The following NDST4 variants were observed in gnomAD, a reference collection of about 807,000 sequenced individuals.
The protein encoded by NDST4 is N-deacetylase and N-sulfotransferase 4.
In NDST4, 63 loss-of-function variants were observed where a neutral mutation model predicts 100.8. That is an observed-to-expected ratio of 0.62 (90% CI 0.51 to 0.77). The LOEUF (loss-of-function observed/expected upper bound fraction) is 0.77, where lower values mean the gene tolerates loss of function less well. Among genes scored for constraint, NDST4 ranks in the 30% least tolerant of loss-of-function variants. NDST4 has a pLI of 0.00. For synonymous variants in NDST4, 377 were observed against 361.8 expected, an observed-to-expected ratio of 1.04 and a Z score of -0.48; for missense variants, 943 against 1,018.4, an observed-to-expected ratio of 0.93 and a Z score of 1.01.
At chr4:115,020,438 G>A (rs538338212) in intron 2 of NDST4, among the ~76,000 whole-genome samples, 102 of 152,198 alleles carry the variant, frequency 6.7e-4, no homozygotes, top group African/African-American at 2.4e-3. Flanking sequence ...ATATTTAAGA[G>A]GCTGCATGGC....
intron 7 of NDST4, among the ~76,000 whole-genome samples, chr4:114,861,847 T>C (rs1723924076): frequency 1.3e-5 from 2 of 152,154 alleles, no homozygotes; most frequent in South Asian, 4.1e-4. Context: ...TGTCAACCCA[T>C]GCAAGTGGCC....
chr4:114,979,231 AT>A (rs1283385588), intron 2 of NDST4, among the ~76,000 whole-genome samples: 1 of 151,834 alleles, frequency 6.6e-6, no homozygotes, highest in Non-Finnish European at 1.5e-5. Context: ...AACTTTTTGT[AT>A]AAAGCCTCCT....
At chr4:114,951,097 A>G (rs1725979980) in intron 4 of NDST4, among the ~76,000 whole-genome samples, 1 of 152,088 alleles carries the variant, frequency 6.6e-6, no homozygotes, top group South Asian at 2.1e-4. Flanking sequence ...AAAATAAAGG[A>G]CTGACAAATG....
intron 4 of NDST4, among the ~76,000 whole-genome samples, chr4:114,944,746 C>T (rs1350480322): frequency 2.8e-5 from 4 of 141,320 alleles, no homozygotes; most frequent in African/African-American, 1.0e-4. Context: ...TTGCAGTGCT[C>T]CTTTGTGAAG....
intron 2 of NDST4, among the ~76,000 whole-genome samples, chr4:115,028,366 T>TA (rs1166588962): frequency 2.0e-5 from 3 of 152,120 alleles, no homozygotes; most frequent in African/African-American, 7.2e-5. Context: ...ATGTCTGTAT[T>TA]AAAATATGAA....
chr4:114,916,755 G>A (rs1725183229), intron 6 of NDST4, among the ~76,000 whole-genome samples: 1 of 150,736 alleles, frequency 6.6e-6, no homozygotes, highest in African/African-American at 2.4e-5. Context: ...TTGAACTCTT[G>A]GGCTTAAGCA....
chr4:115,077,679 G>A (rs1428425607), intron 1 of NDST4, among the ~76,000 whole-genome samples: 1 of 152,112 alleles, frequency 6.6e-6, no homozygotes, highest in East Asian at 1.9e-4. Flanking sequence ...AGGAATCAGG[G>A]GCTTAGAGCA....
chr4:114,863,673 C>G (rs1723965644), intron 7 of NDST4, among the ~76,000 whole-genome samples: 1 of 152,214 alleles, frequency 6.6e-6, no homozygotes, highest in Admixed American at 6.5e-5. Flanking sequence ...GTTAAAATTG[C>G]TTTAGGCAGT....
At chr4:114,998,255 A>T (rs569392939) in intron 2 of NDST4, among the ~76,000 whole-genome samples, 1 of 152,244 alleles carries the variant, frequency 6.6e-6, no homozygotes, top group African/African-American at 2.4e-5. Context: ...CTCTTTGTCT[A>T]TCCCCAAAGT....
chr4:114,924,610 T>A (rs1279157368), intron 6 of NDST4, among the ~76,000 whole-genome samples: 1 of 152,106 alleles, frequency 6.6e-6, no homozygotes, highest in Non-Finnish European at 1.5e-5. Flanking sequence ...TGCTTCAAAG[T>A]CCCTGTCTAG....
intron 6 of NDST4, among the ~76,000 whole-genome samples, chr4:114,878,248 A>T (rs900776418): frequency 6.6e-6 from 1 of 152,132 alleles, no homozygotes; most frequent in African/African-American, 2.4e-5. Flanking sequence ...GCTCCATGTG[A>T]CTTTCAGGTT....
At chr4:115,048,342 A>G (rs1483455723) in intron 2 of NDST4, among the ~76,000 whole-genome samples, 1 of 152,152 alleles carries the variant, frequency 6.6e-6, no homozygotes, top group Non-Finnish European at 1.5e-5. Context: ...ATTGAAAGAA[A>G]ATTGGTGCTG....
rs558221165 is a variant in NDST4, at chr4:115,060,139, A to C, written c.978+15920T>G. 9.9e-5 allele frequency among the ~76,000 whole-genome samples: 15 copies of C among 152,106 alleles called. No homozygotes were observed. The South Asian group carries it at 1.9e-3, about 19-fold the overall frequency. The stretch of plus-strand genomic sequence containing the variant: ...CATACAAATCATTCAAGGGGAATTA[A>C]TTTATACTGTAGGGTAAGTGCTATA... On this transcript the variant is annotated intron_variant, in intron 2 of 13. Coordinates refer to ENST00000264363, the MANE Select transcript of NDST4 (RefSeq NM_022569.3).
intron 6 of NDST4, among the ~76,000 whole-genome samples, chr4:114,928,769 A>G (rs946669530): frequency 6.6e-6 from 1 of 152,148 alleles, no homozygotes; most frequent in African/African-American, 2.4e-5. Flanking sequence ...AAAGCTAAGT[A>G]AAAGGAATTT....
intron 1 of NDST4, among the ~76,000 whole-genome samples, chr4:115,080,015 T>C (rs1729268976): frequency 6.6e-6 from 1 of 152,208 alleles, no homozygotes; most frequent in African/African-American, 2.4e-5. Flanking sequence ...CCTTAGCTTT[T>C]CACTGTGAAA....
At chr4:114,830,766 TAGA>T (rs1413132700) in intron 12 of NDST4, among the ~76,000 whole-genome samples, 1 of 152,232 alleles carries the variant, frequency 6.6e-6, no homozygotes, top group Non-Finnish European at 1.5e-5. Context: ...GCAGATGTTT[TAGA>T]AGGATGAAGC....
In NDST4 at chr4:115,075,784, G is replaced by GGAAAA. The variant is rs552103308; in HGVS notation, c.978+274_978+275insTTTTC. 5.7e-5 allele frequency among the ~76,000 whole-genome samples: 5 copies of GGAAAA among 87,422 alleles called. No homozygotes were observed. The South Asian group carries it at 1.4e-3, about 25-fold the overall frequency. 57.4% of individuals were successfully genotyped at this position (87,422 alleles called of 152,430 possible). ...GGGCGACAGAGCAAGAGTCTGTTCA[G>GGAAAA]AAAAAAAAAAAAAAAAAAAGGCAAA... On this transcript the variant is annotated intron_variant, in intron 2 of 13. Coordinates refer to ENST00000264363, the MANE Select transcript of NDST4 (RefSeq NM_022569.3).
At chr4:114,876,435 G>A in intron 6 of NDST4, among the ~76,000 whole-genome samples, 1 of 152,044 alleles carries the variant, frequency 6.6e-6, no homozygotes, top group African/African-American at 2.4e-5. Flanking sequence ...AGGTAATTTT[G>A]TGTCTTTATT....
At chr4:115,003,247 A>G (rs1454132161) in intron 2 of NDST4, among the ~76,000 whole-genome samples, 1 of 152,218 alleles carries the variant, frequency 6.6e-6, no homozygotes, top group Admixed American at 6.6e-5. Flanking sequence ...AAAGTTAAAA[A>G]GAAGAAGAAA....
Sources: gnomAD v4.1 joint callset for allele counts (sites outside exome capture counted in the v4.1 genomes callset) on GRCh38, gnomAD v4.1.1 for gene constraint, MANE v1.5 for transcripts, NCBI Gene and HGNC (gene_info 2026-07-23, HGNC 2026-07-21) for gene names.